Variants in NINL observed in about 807,000 individuals in gnomAD.
NINL encodes the protein ninein like, also known as ninein-like protein.
In NINL, 153 loss-of-function variants were observed where a neutral mutation model predicts 160.3. The observed-to-expected ratio is 0.95, with a 90% confidence interval of 0.84 to 1.09. NINL has a LOEUF of 1.09. NINL is among the 50% of genes least tolerant of loss of function. The pLI is 0.00. For synonymous variants in NINL, 800 were observed against 734.8 expected (o/e 1.09, Z -1.43); for missense variants, 1,829 against 1,764.0 (o/e 1.04, Z -0.66).
intron 1 of NINL, among the ~76,000 whole-genome samples, chr20:25,544,613 G>A (rs564618575): frequency 6.6e-6 from 1 of 152,316 alleles, no homozygotes; most frequent in African/African-American, 2.4e-5. Flanking sequence ...GGGTCCTTGT[G>A]AGAAGTCTGG....
At chr20:25,465,850 A>G (rs781024096) in intron 19 of NINL, among the ~76,000 whole-genome samples, 3 of 152,088 alleles carry the variant, frequency 2.0e-5, no homozygotes, top group Non-Finnish European at 2.9e-5. Flanking sequence ...ACACTTTTTA[A>G]TAACTGAAAA....
Position 25,453,492 on chromosome 20 carries a change from TG to T in NINL, c.4107del (p.Asn1369LysfsTer31), listed in dbSNP as rs771710629. 1 of 1,613,832 alleles carries T rather than the reference TG, an allele frequency of 6.2e-7. No individual in the cohort carries two copies. The highest frequency in any genetic ancestry group is 1.1e-5 in the South Asian group (1 of 91,028). ...GCGGGGGCAATCCTACTGACGAGTT[TG>T]TTGAGAGCGCGAACTTTTTCTTCCA... Reference protein sequence around the residue: ...RLLEEKVRALNKLVSRIAPAA... With the variant: ...RLLEEKVRALXKLVSRIAPAA... On this transcript the variant is annotated frameshift_variant, in exon 24 of 24. Coordinates refer to ENST00000278886, the MANE Select transcript of NINL (RefSeq NM_025176.6). LOFTEE classifies it high-confidence loss of function.
chr20:25,523,142 C>A lies in NINL; in HGVS notation c.180+3266G>T, dbSNP rs144605249. On this transcript the variant is annotated intron_variant, in intron 2 of 23. Transcript: ENST00000278886. ...ATACTATGTAAATAGTTTTAGGCTG[C>A]ATTGTTTAGGAAATAGTGAGAAGAA... Among the ~76,000 whole-genome samples the A allele has an allele frequency of 6.1e-3, 921 of 152,006 alleles. 4 individuals are homozygous for A. The highest frequency in any genetic ancestry group is 9.9e-3 in the Non-Finnish European group (670 of 67,998).
chr20:25,551,076 T>C (rs2064802652), intron 1 of NINL, among the ~76,000 whole-genome samples: 1 of 152,244 alleles, frequency 6.6e-6, no homozygotes, highest in Non-Finnish European at 1.5e-5. Context: ...GAATGGAGAA[T>C]GGCAATGACT....
chr20:25,564,122 G>A (rs976288928), intron 1 of NINL, among the ~76,000 whole-genome samples: 1 of 151,140 alleles, frequency 6.6e-6, no homozygotes, highest in Non-Finnish European at 1.5e-5. Flanking sequence ...AGCTACTTGG[G>A]AGGCTGAGGT....
chr20:25,556,858 A>G (rs2064873136), intron 1 of NINL, among the ~76,000 whole-genome samples: 1 of 152,142 alleles, frequency 6.6e-6, no homozygotes, highest in Non-Finnish European at 1.5e-5. Flanking sequence ...CCAAATAAAA[A>G]TGATAAACTT....
chr20:25,524,904 A>AATATAT (rs35820142), intron 2 of NINL, among the ~76,000 whole-genome samples: 51 of 145,444 alleles, frequency 3.5e-4, no homozygotes, highest in South Asian at 1.5e-3. Flanking sequence ...CTCAAATTAA[A>AATATAT]ATATATATAT....
chr20:25,464,860 T>C (rs2062874797), intron 19 of NINL, among the ~76,000 whole-genome samples: 1 of 152,120 alleles, frequency 6.6e-6, no homozygotes, highest in Admixed American at 6.5e-5. Context: ...CCCCTCCCAT[T>C]TGGGGTTTGT....
Position 25,496,685 on chromosome 20 carries a change from G to A in NINL, c.1288C>T (p.Gln430Ter). 6.2e-7 allele frequency: 1 copy of A among 1,614,102 alleles called. No homozygotes were observed. The highest frequency in any genetic ancestry group is 8.5e-7 in the Non-Finnish European group (1 of 1,180,026). Reference sequence around the variant, plus strand: ...CACTTGATTTTCTTCTCCGTGAGCTGCTCCAGGGTGGAGTGGCAGTCGTCC... The same window carrying A: ...CACTTGATTTTCTTCTCCGTGAGCTACTCCAGGGTGGAGTGGCAGTCGTCC... The part of the protein sequence containing the change: ...EMDDCHSTLE[Q>*]LTEKKIKHLE... Residue 430 changes from glutamine (Q) to a stop codon, truncating the protein, a stop_gained, in exon 10 of 24, where the codon CAG becomes TAG. Transcript: ENST00000278886. LOFTEE classifies it high-confidence loss of function.
At position 25,476,377 on chromosome 20, in the gene NINL, C is replaced by A; in HGVS notation, c.2914G>T (p.Ala972Ser). Residue 972 changes from alanine (A) to serine (S), a missense_variant, in exon 17 of 24, where the codon GCT (alanine) becomes TCT (serine). Physicochemically the swap from Ala to Ser is moderately conservative, Grantham distance 99. Coordinates refer to ENST00000278886, the MANE Select transcript of NINL (RefSeq NM_025176.6). ...TCCTGAATGGCCTGTAGCCTCTCAG[C>A]CTGTCCCCTGCACGAAGCGGCCGGC... ...LRPAASCRGQ[A>S]ERLQAIQEER... 1 of 1,611,010 alleles carries A rather than the reference C, an allele frequency of 6.2e-7. No individual in the cohort carries two copies. The highest frequency in any genetic ancestry group is 8.5e-7 in the Non-Finnish European group (1 of 1,179,622).
Position 25,476,801 on chromosome 20 carries a change from C to T in NINL, c.2490G>A (p.Pro830=), listed in dbSNP as rs778834947. ...CACTTCCTGCCACCAGCCCATCTTT[C>T]GGCAGGGCCTGCATCTCTGCTTCCA... ...PSLEAEMQAL[P]KDGLVAGSGQ... Residue 830 remains proline (P), a synonymous_variant, in exon 17 of 24, where the codon CCG becomes CCA. Coordinates refer to ENST00000278886, the MANE Select transcript of NINL (RefSeq NM_025176.6). The T allele has an allele frequency of 1.8e-5, 29 of 1,612,712 alleles. No homozygotes were observed. The highest frequency in any genetic ancestry group is 3.3e-4 in the Middle Eastern group (2 of 6,084).
chr20:25,577,409 C>T (rs900726194), intron 1 of NINL, among the ~76,000 whole-genome samples: 5 of 152,174 alleles, frequency 3.3e-5, no homozygotes, highest in Admixed American at 1.3e-4. Flanking sequence ...GCCACGTGGC[C>T]GGACAGTCCA....
chr20:25,505,989 C>A (rs112669006), intron 5 of NINL, among the ~76,000 whole-genome samples: 3,328 of 152,326 alleles, frequency 0.022, 108 homozygotes, highest in African/African-American at 0.075. Flanking sequence ...AGGGGCTGGG[C>A]GCGGTGGCTT....
chr20:25,523,129 T>C (rs1281075475), intron 2 of NINL, among the ~76,000 whole-genome samples: 1 of 152,118 alleles, frequency 6.6e-6, no homozygotes. Flanking sequence ...ACTATGTAAA[T>C]AGTTTTAGGC....
intron 2 of NINL, among the ~76,000 whole-genome samples, chr20:25,520,726 G>C (rs573236166): frequency 6.6e-6 from 1 of 152,302 alleles, no homozygotes; most frequent in South Asian, 2.1e-4. Flanking sequence ...ACCGTCTTCT[G>C]ACTTCTACTG....
intron 1 of NINL, among the ~76,000 whole-genome samples, chr20:25,581,009 C>T (rs6132848): frequency 0.4 from 60,823 of 152,152 alleles, 13,387 homozygotes; most frequent in East Asian, 0.91. Flanking sequence ...GGGCAGAGGA[C>T]GCTATTACCT....
chr20:25,470,564 T>C (rs2063071018), intron 17 of NINL, among the ~76,000 whole-genome samples: 1 of 152,004 alleles, frequency 6.6e-6, no homozygotes, highest in Non-Finnish European at 1.5e-5. Flanking sequence ...AATCTCAAAG[T>C]GGGAAAAGGC....
chr20:25,585,045 G>A (rs1200224393), intron 1 of NINL, among the ~76,000 whole-genome samples: 1 of 152,218 alleles, frequency 6.6e-6, no homozygotes, highest in African/African-American at 2.4e-5. Flanking sequence ...GGCGGCGTCA[G>A]GAGAAACGGC....
rs2064674774 is a variant in NINL, at chr20:25,542,294, GGT to G, written c.-11-15698_-11-15697del. Among the ~76,000 whole-genome samples, 8 of 152,278 alleles carry G rather than the reference GGT, an allele frequency of 5.3e-5. 1 individual carries two copies. In the South Asian group the frequency reaches 1.7e-3, roughly 32 times the overall value. ...TTTTGGGAAGGGAGAAACTTTGTCA[GGT>G]CACTGGCTGACTGTGAAGAACAGAA... is the stretch of plus-strand genomic sequence containing the variant. On this transcript the variant is annotated intron_variant, in intron 1 of 23. Transcript: ENST00000278886.
Sources: gnomAD v4.1 joint callset for allele counts (sites outside exome capture counted in the v4.1 genomes callset) on GRCh38, gnomAD v4.1.1 for gene constraint, MANE v1.5 for transcripts, NCBI Gene and HGNC (gene_info 2026-07-23, HGNC 2026-07-21) for gene names.